Variants in MMP14 observed in about 807,000 individuals in gnomAD.
MMP14 encodes matrix metalloproteinase-14.
In MMP14, 13 loss-of-function variants were observed where a neutral mutation model predicts 64.8. The observed-to-expected ratio is 0.20, with a 90% CI of 0.13 to 0.32. The LOEUF (loss-of-function observed/expected upper bound fraction) is 0.32, where lower values mean the gene tolerates loss of function less well. Among genes scored for constraint, MMP14 ranks in the 10% least tolerant of loss-of-function variants. The probability of loss-of-function intolerance (pLI) is 1.00; values close to 1 mark genes in which losing one functional copy is unlikely to be tolerated. For missense variants in MMP14, 594 were observed against 783.8 expected, an observed-to-expected ratio of 0.76 and a Z score of 2.89; for synonymous variants, 322 against 315.9, an observed-to-expected ratio of 1.02 and a Z score of -0.20.
chr14:22,842,330 T>A lies in MMP14; in HGVS notation c.381-80T>A. 6.7e-7 allele frequency: 1 copy of A among 1,502,172 alleles called. No homozygotes were observed. Among genetic ancestry groups the A allele is most frequent in the Non-Finnish European group, 9.1e-7 (1 of 1,102,990 alleles). The allele number at this position is 1,502,172 out of a possible 1,614,324, so 93.1% of individuals were successfully genotyped here. A position where few individuals can be genotyped will look rare whatever the true frequency, so the allele number is the denominator to read the frequency against. ...GGTGGCTGGGCCGCGCAGTCAGACCTGGGAGAGTGCAGGGAAGGAGAATGT... is the reference window on the plus strand; with the variant it reads ...GGTGGCTGGGCCGCGCAGTCAGACCAGGGAGAGTGCAGGGAAGGAGAATGT... On this transcript the variant is annotated intron_variant, in intron 3 of 9. Transcript: ENST00000311852. The surrounding 1 kb of genome is among the most constrained non-coding windows in gnomAD (Gnocchi z 5.3).
Position 22,837,629 on chromosome 14 carries a change from C to G in MMP14, c.108+704C>G, listed in dbSNP as rs371054754. On this transcript the variant is annotated intron_variant, in intron 1 of 9. Coordinates refer to ENST00000311852, the MANE Select transcript of MMP14 (RefSeq NM_004995.4). Reference sequence around the variant, plus strand: ...CCGGGTCGCTGCCTCCCCCTATCCCCACCCGCGTCGGCGCCTTCAGGCCCT... The same window carrying G: ...CCGGGTCGCTGCCTCCCCCTATCCCGACCCGCGTCGGCGCCTTCAGGCCCT... 3.7e-3 allele frequency among the ~76,000 whole-genome samples: 568 copies of G among 152,394 alleles called. 5 individuals carry two copies. The highest frequency in any genetic ancestry group is 0.013 in the African/African-American group (542 of 41,598).
chr14:22,837,524 C>A, intron 1 of MMP14: 1 of 377,270 alleles, frequency 2.7e-6, no homozygotes, highest in Admixed American at 3.4e-5. Context: ...ACCCGCATCC[C>A]TGGCGTCGAG....
In MMP14 at chr14:22,841,517, G is replaced by C; in HGVS notation, c.135G>C (p.Leu45=). Residue 45 remains leucine, a synonymous_variant, in exon 2 of 10, where the codon CTG becomes CTC. Transcript: ENST00000311852. ...PEAWLQQYGY[L]PPGDLRTHTQ... is the part of the protein sequence containing the mutation. Reference sequence around the variant, plus strand: ...CCTGGCTACAGCAATATGGCTACCTGCCTCCCGGGGACCTACGTACCCACA... The same window carrying C: ...CCTGGCTACAGCAATATGGCTACCTCCCTCCCGGGGACCTACGTACCCACA... The C allele has an allele frequency of 6.2e-7, 1 of 1,613,922 alleles. No individual in the cohort carries two copies. The highest frequency in any genetic ancestry group is 8.5e-7 in the Non-Finnish European group (1 of 1,179,986).
chr14:22,845,025 A>T (rs1254601140), intron 8 of MMP14, among the ~76,000 whole-genome samples: 1 of 152,092 alleles, frequency 6.6e-6, no homozygotes, highest in East Asian at 1.9e-4. Context: ...CCTCCACCCC[A>T]GCAGCCAGGC....
intron 1 of MMP14, among the ~76,000 whole-genome samples, chr14:22,839,962 CTTT>C (rs577502772): frequency 7.1e-4 from 64 of 90,776 alleles, no homozygotes; most frequent in South Asian, 2.7e-3. Context: ...GCTTGTTTTA[CTTT>C]TTTTTTTTTT....
chr14:22,844,788 C>G lies in MMP14; in HGVS notation c.1301+8C>G, dbSNP rs771700622. 1 of 1,614,078 alleles carries G rather than the reference C, an allele frequency of 6.2e-7. No individual in the cohort carries two copies. The highest frequency in any genetic ancestry group is 2.2e-5 in the East Asian group (1 of 44,886). On this transcript the variant is annotated splice_region_variant and intron_variant, in intron 8 of 9. Transcript: ENST00000311852. Reference sequence around the variant, plus strand: ...CTTCTTCCGTGGAAACAAGTAAGACCTCAACCCCTTAACCCCAGGCCTCCC... The same window carrying G: ...CTTCTTCCGTGGAAACAAGTAAGACGTCAACCCCTTAACCCCAGGCCTCCC...
Position 22,847,468 on chromosome 14 carries a change from G to C in MMP14, c.*1429G>C, listed in dbSNP as rs907328367. 7.9e-5 allele frequency: 12 copies of C among 152,038 alleles called. No homozygotes were observed. Among genetic ancestry groups the C allele is most frequent in the African/African-American group, 1.7e-4 (7 of 41,390 alleles). 9.4% of individuals were successfully genotyped at this position (152,038 alleles called of 1,614,324 possible). On this transcript the variant is annotated 3_prime_UTR_variant, in exon 10 of 10. Coordinates refer to ENST00000311852, the MANE Select transcript of MMP14 (RefSeq NM_004995.4). ...GGGAGCAAGAGGAGAGGGATGTCGG[G>C]GGGGTGGGGCACGGGGTAGGGGAAA...
chr14:22,844,193 T>A (rs1291231122), intron 6 of MMP14, among the ~76,000 whole-genome samples, 178 bp from the exon 7 acceptor site: 1 of 120,146 alleles, frequency 8.3e-6, no homozygotes, highest in Non-Finnish European at 1.8e-5. Context: ...TGAGACTCCA[T>A]CTCAAAAAAA....
Position 22,836,735 on chromosome 14 carries a change from C to A in MMP14, c.-83C>A, listed in dbSNP as rs562346983. On this transcript the variant is annotated 5_prime_UTR_variant, in exon 1 of 10. Transcript: ENST00000311852. ...CAGTGCCTACCGAAGACAAAGGCGC[C>A]CCGAGGGAGTGGCGGTGCGACCCCA... 238 of 763,572 alleles carry A rather than the reference C, an allele frequency of 3.1e-4. No homozygotes were observed. In the African/African-American group the frequency reaches 3.8e-3, roughly 12 times the overall value. The allele number at this position is 763,572 out of a possible 1,614,324, so 47.3% of individuals were successfully genotyped here. A position where few individuals can be genotyped will look rare whatever the true frequency, so the allele number is the denominator to read the frequency against.
At position 22,841,485 on chromosome 14, in the gene MMP14, C is replaced by T; in HGVS notation, c.109-6C>T. 1 of 1,613,388 alleles carries T rather than the reference C, an allele frequency of 6.2e-7. No homozygotes were observed. The highest frequency in any genetic ancestry group is 1.1e-5 in the South Asian group (1 of 91,070). On this transcript the variant is annotated splice_polypyrimidine_tract_variant and splice_region_variant and intron_variant, in intron 1 of 9. Coordinates refer to ENST00000311852, the MANE Select transcript of MMP14 (RefSeq NM_004995.4). Reference sequence around the variant, plus strand: ...GACACTCTAAGCCATACCCCTTTCCCTACAGGCCTGGCTACAGCAATATGG... The same window carrying T: ...GACACTCTAAGCCATACCCCTTTCCTTACAGGCCTGGCTACAGCAATATGG...
In MMP14 at chr14:22,842,576, G is replaced by T; in HGVS notation, c.547G>T (p.Glu183Ter). 6.2e-7 allele frequency: 1 copy of T among 1,614,190 alleles called. No homozygotes were observed. The highest frequency in any genetic ancestry group is 8.5e-7 in the Non-Finnish European group (1 of 1,180,026). ...GGCCGACATCATGATCTTCTTTGCC[G>T]AGGGCTTCCATGGCGACAGCACGCC... The part of the protein sequence containing the change: ...KQADIMIFFA[E>*]GFHGDSTPFD... Residue 183 changes from glutamate to a stop codon, truncating the protein, a stop_gained, in exon 4 of 10, where the codon GAG becomes TAG. Transcript: ENST00000311852. LOFTEE classifies it high-confidence loss of function. This position sits in a 1 kb window ranked among gnomAD's most constrained non-coding sequence, Gnocchi z 5.3.
rs2039824797 is a variant in MMP14, at chr14:22,847,607, CTTTTTG to C, written c.*1571_*1576del. 5.8e-5 allele frequency: 6 copies of C among 103,848 alleles called. No homozygotes were observed. The Admixed American group carries it at 9.5e-4, about 16-fold the overall frequency. The allele number at this position is 103,848 out of a possible 1,614,324, so 6.4% of individuals were successfully genotyped here. A position where few individuals can be genotyped will look rare whatever the true frequency, so the allele number is the denominator to read the frequency against. ...TATATGAATTCCATTCAAATCGTTC[CTTTTTG>C]TTAACAAGGGGCATGGGGAGGGGTG... On this transcript the variant is annotated 3_prime_UTR_variant, in exon 10 of 10. Coordinates refer to ENST00000311852, the MANE Select transcript of MMP14 (RefSeq NM_004995.4).
intron 1 of MMP14, among the ~76,000 whole-genome samples, chr14:22,837,928 G>C (rs2039746557): frequency 6.6e-6 from 1 of 152,230 alleles, no homozygotes; most frequent in East Asian, 1.9e-4. Flanking sequence ...AACCCACTCA[G>C]CCTGGCAAGG....
In MMP14 at chr14:22,843,441, T is replaced by A; in HGVS notation, c.850+23T>A. 1 of 1,602,708 alleles carries A rather than the reference T, an allele frequency of 6.2e-7. No homozygotes were observed. The highest frequency in any genetic ancestry group is 1.3e-5 in the African/African-American group (1 of 74,850). On this transcript the variant is annotated intron_variant, in intron 5 of 9. Coordinates refer to ENST00000311852, the MANE Select transcript of MMP14 (RefSeq NM_004995.4). The surrounding 1 kb of genome is among the most constrained non-coding windows in gnomAD (Gnocchi z 4.8). ...ATGGCGAGTAGTCTACACCCACGCCTGCTCCCTCCTCTGCTGCTTGTTCCC... is the reference window on the plus strand; with the variant it reads ...ATGGCGAGTAGTCTACACCCACGCCAGCTCCCTCCTCTGCTGCTTGTTCCC...
In MMP14 at chr14:22,844,699, G is replaced by C. The variant is rs764659510; in HGVS notation, c.1220G>C (p.Gly407Ala). The change falls in exon 8 of 10, where the codon GGC becomes GCC. Residue 407 changes from glycine (G) to alanine (A), a missense_variant. Transcript: ENST00000311852. ...PGYPKHIKELGRGLPTDKIDA... is the reference protein window; with the variant it reads ...PGYPKHIKELARGLPTDKIDA... ...TACCCCAAGCACATTAAGGAGCTGG[G>C]CCGAGGGCTGCCTACCGACAAGATT... is the stretch of plus-strand genomic sequence containing the variant. 9.9e-6 allele frequency: 16 copies of C among 1,613,944 alleles called. No individual in the cohort carries two copies. The highest frequency in any genetic ancestry group is 5.1e-6 in the Non-Finnish European group (6 of 1,180,008).
chr14:22,845,565 C>G, intron 9 of MMP14, 143 bp from the exon 10 acceptor site: 3 of 976,996 alleles, frequency 3.1e-6, no homozygotes, highest in Non-Finnish European at 3.1e-6. Context: ...ATAAGCACCC[C>G]CATTTTACAG....
rs33967775 is a variant in MMP14, at chr14:22,844,196, CAA to C, written c.1012-164_1012-163del. On this transcript the variant is annotated intron_variant, in intron 6 of 9. Coordinates refer to ENST00000311852, the MANE Select transcript of MMP14 (RefSeq NM_004995.4). ...TGGACAACAGTGTGAGACTCCATCT[CAA>C]AAAAAAAAAAGGCGGGGGGGTACTC... Among the ~76,000 whole-genome samples the C allele has an allele frequency of 4.4e-4, 61 of 139,352 alleles. 1 individual carries two copies. Among genetic ancestry groups the C allele is most frequent in the Admixed American group, 1.2e-3 (16 of 13,666 alleles). 91.4% of individuals were successfully genotyped at this position (139,352 alleles called of 152,430 possible). A position where few individuals can be genotyped will look rare whatever the true frequency, so the allele number is the denominator to read the frequency against.
chr14:22,843,636 G>A lies in MMP14; in HGVS notation c.851-74G>A. ...CCATCCACACCTTTCCAAGGGTATT[G>A]TCTGCCCATCTGTCTGTCCTTCCGT... On this transcript the variant is annotated intron_variant, in intron 5 of 9. Coordinates refer to ENST00000311852, the MANE Select transcript of MMP14 (RefSeq NM_004995.4). The surrounding 1 kb of genome is among the most constrained non-coding windows in gnomAD (Gnocchi z 4.8). 6.6e-7 allele frequency: 1 copy of A among 1,507,104 alleles called. No homozygotes were observed. The highest frequency in any genetic ancestry group is 9.0e-7 in the Non-Finnish European group (1 of 1,117,030). The allele number at this position is 1,507,104 out of a possible 1,614,324, so 93.4% of individuals were successfully genotyped here.
At position 22,841,959 on chromosome 14, in the gene MMP14, G is replaced by A. The variant is rs1420223822; in HGVS notation, c.304G>A (p.Glu102Lys). 2.5e-6 allele frequency: 4 copies of A among 1,614,240 alleles called. No homozygotes were observed. The highest frequency in any genetic ancestry group is 1.7e-5 in the Admixed American group (1 of 60,034). The change falls in exon 3 of 10, where the codon GAG becomes AAG. Residue 102 changes from glutamate to lysine, a missense_variant. Coordinates refer to ENST00000311852, the MANE Select transcript of MMP14 (RefSeq NM_004995.4). ...TGGTGTTCCAGACAAGTTTGGGGCT[G>A]AGATCAAGGCCAATGTTCGAAGGAA... is the stretch of plus-strand genomic sequence containing the variant. ...RCGVPDKFGA[E>K]IKANVRRKRY...
Sources: gnomAD v4.1 joint callset for allele counts (sites outside exome capture counted in the v4.1 genomes callset) on GRCh38, gnomAD v4.1.1 for gene constraint, Gnocchi (gnomAD v3.1) non-coding constraint, MANE v1.5 for transcripts, NCBI Gene and HGNC (gene_info 2026-07-23, HGNC 2026-07-21) for gene names.